ERBB4: variants seen among roughly 807,000 people sequenced by gnomAD.
The protein encoded by ERBB4 is erb-b2 receptor tyrosine kinase 4.
A neutral mutation model predicts 158.0 loss-of-function variants in ERBB4; 42 were observed. That is an observed-to-expected ratio of 0.27 (90% confidence interval 0.21 to 0.34). The LOEUF is 0.34. Among genes scored for constraint, ERBB4 ranks in the 10% least tolerant of loss-of-function variants. The probability of loss-of-function intolerance (pLI) is 1.00; values close to 1 mark genes in which losing one functional copy is unlikely to be tolerated. For synonymous variants in ERBB4, 583 were observed against 558.7 expected (o/e 1.04, Z -0.61); for missense variants, 1,333 against 1,624.1 (o/e 0.82, Z 3.08).
At chr2:211,607,932 C>G (rs960949609) in intron 19 of ERBB4, among the ~76,000 whole-genome samples, 2 of 130,272 alleles carry the variant, frequency 1.5e-5, no homozygotes, top group Non-Finnish European at 3.1e-5. Context: ...TGTAGTGGTG[C>G]GATCTCTGCT....
chr2:211,732,165 C>T (rs139750659), intron 5 of ERBB4, among the ~76,000 whole-genome samples: 78 of 152,180 alleles, frequency 5.1e-4, no homozygotes, highest in African/African-American at 1.4e-3. Context: ...TAAACTAGAA[C>T]GCTCTTTCCT....
chr2:211,988,392 G>A (rs2081990024), intron 2 of ERBB4, among the ~76,000 whole-genome samples: 1 of 152,076 alleles, frequency 6.6e-6, no homozygotes. Context: ...GTGCTGTAAA[G>A]GGTAAAATGA....
chr2:211,813,279 T>A (rs2076801806), intron 3 of ERBB4, among the ~76,000 whole-genome samples: 1 of 152,224 alleles, frequency 6.6e-6, no homozygotes, highest in Non-Finnish European at 1.5e-5. Flanking sequence ...TGGTCGTGTA[T>A]AATGGAATTC....
intron 1 of ERBB4, among the ~76,000 whole-genome samples, chr2:212,508,220 TTA>T (rs1167812558): frequency 6.6e-6 from 1 of 152,194 alleles, no homozygotes; most frequent in Non-Finnish European, 1.5e-5. Context: ...AACATAACTT[TTA>T]TATGTGTGGG....
chr2:211,752,557 A>AG (rs58539633), intron 4 of ERBB4, among the ~76,000 whole-genome samples: 70,779 of 150,254 alleles, frequency 0.47, 17,000 homozygotes, highest in Middle Eastern at 0.58. Context: ...AAGTAAAGAA[A>AG]GAGGAAGGAA....
At chr2:211,384,101 GAAAATA>G in intron 27 of ERBB4, 41 bp from the exon 28 acceptor site, 1 of 1,456,786 alleles carries the variant, frequency 6.9e-7, no homozygotes, top group Non-Finnish European at 9.6e-7. Context: ...CTAGTTTCTG[GAAAATA>G]TTAATCAGAC....
At position 212,012,071 on chromosome 2, in the gene ERBB4, T is replaced by A. The variant is rs12053576; in HGVS notation, c.235-64455A>T. Among the ~76,000 whole-genome samples, 6 of 152,334 alleles carry A rather than the reference T, an allele frequency of 3.9e-5. No homozygotes were observed. The East Asian group carries it at 1.2e-3, about 29-fold the overall frequency. On this transcript the variant is annotated intron_variant, in intron 2 of 27. Coordinates refer to ENST00000342788, the MANE Select transcript of ERBB4 (RefSeq NM_005235.3). The stretch of plus-strand genomic sequence containing the variant: ...AATTAGGGTTGTTTTTTAGTATAAT[T>A]ATGAACTTGTGCACTTAAAAATATT...
chr2:212,536,511 C>G (rs1159903109), intron 1 of ERBB4, among the ~76,000 whole-genome samples: 1 of 152,144 alleles, frequency 6.6e-6, no homozygotes, highest in Non-Finnish European at 1.5e-5. Flanking sequence ...GAGTCACACA[C>G]GGAACAACAA....
chr2:212,393,019 A>C (rs1198151477), intron 1 of ERBB4, among the ~76,000 whole-genome samples: 1 of 152,026 alleles, frequency 6.6e-6, no homozygotes, highest in Non-Finnish European at 1.5e-5. Flanking sequence ...CAGGGGAACT[A>C]CAATAGCCAC....
At chr2:211,452,585 T>C (rs2064276521) in intron 20 of ERBB4, among the ~76,000 whole-genome samples, 2 of 152,312 alleles carry the variant, frequency 1.3e-5, no homozygotes, top group East Asian at 1.9e-4. Context: ...GAATTAAATA[T>C]TGATACACTA....
intron 2 of ERBB4, among the ~76,000 whole-genome samples, chr2:212,107,559 T>C (rs2079268496): frequency 6.6e-6 from 1 of 152,166 alleles, no homozygotes; most frequent in African/African-American, 2.4e-5. Flanking sequence ...GATTTGACAC[T>C]GAAATGAGAT....
intron 1 of ERBB4, among the ~76,000 whole-genome samples, chr2:212,233,698 C>T (rs1559805820): frequency 2.0e-5 from 3 of 152,014 alleles, no homozygotes; most frequent in Non-Finnish European, 4.4e-5. Context: ...GATGCAGCCT[C>T]TTGTGTTCTA....
intron 3 of ERBB4, among the ~76,000 whole-genome samples, chr2:211,855,189 A>G (rs13035188): frequency 0.11 from 16,855 of 152,070 alleles, 1,234 homozygotes; most frequent in Non-Finnish European, 0.15. Context: ...TTTTTTATTG[A>G]GTTACCTGTC....
chr2:211,724,176 AT>A (rs1185264738), intron 6 of ERBB4, among the ~76,000 whole-genome samples: 3 of 152,048 alleles, frequency 2.0e-5, no homozygotes, highest in Non-Finnish European at 4.4e-5. Flanking sequence ...TAACATTTTT[AT>A]TTCCTTTTCT....
At chr2:212,127,735 A>G (rs2079986104) in intron 1 of ERBB4, among the ~76,000 whole-genome samples, 1 of 152,182 alleles carries the variant, frequency 6.6e-6, no homozygotes, top group Non-Finnish European at 1.5e-5. Context: ...TAAGAAGAGG[A>G]AAATACCACG....
At chr2:212,373,765 G>GTATA (rs1389434834) in intron 1 of ERBB4, among the ~76,000 whole-genome samples, 13 of 91,168 alleles carry the variant, frequency 1.4e-4, no homozygotes, top group Non-Finnish European at 2.8e-4. Flanking sequence ...ATATATCCAC[G>GTATA]TATATATCCA....
At chr2:211,505,904 G>C (rs537140400) in intron 20 of ERBB4, among the ~76,000 whole-genome samples, 1 of 145,260 alleles carries the variant, frequency 6.9e-6, no homozygotes, top group Non-Finnish European at 1.5e-5. Context: ...AGCTTGCAGT[G>C]AGCCAAGATC....
chr2:212,414,568 T>C (rs1413578164), intron 1 of ERBB4, among the ~76,000 whole-genome samples: 3 of 152,186 alleles, frequency 2.0e-5, no homozygotes, highest in Non-Finnish European at 4.4e-5. Flanking sequence ...AAGGCTCCAA[T>C]CTTAGTATTT....
At chr2:212,310,895 T>C (rs1461757910) in intron 1 of ERBB4, among the ~76,000 whole-genome samples, 1 of 150,644 alleles carries the variant, frequency 6.6e-6, no homozygotes, top group Non-Finnish European at 1.5e-5. Flanking sequence ...ACATAATATA[T>C]TTAATATATC....
Sources: allele counts gnomAD v4.1 joint callset (sites outside exome capture counted in the v4.1 genomes callset), GRCh38; gene constraint gnomAD v4.1.1; transcripts MANE v1.5; gene names NCBI Gene and HGNC (gene_info 2026-07-23, HGNC 2026-07-21).